Variants in KIF16B observed in about 807,000 individuals in gnomAD.
KIF16B encodes kinesin-like protein KIF16B.
In KIF16B, 98 loss-of-function variants were observed where a neutral mutation model predicts 156.3. That is an observed-to-expected ratio of 0.63 (90% CI 0.53 to 0.74). The LOEUF is 0.74. KIF16B is among the 30% of genes least tolerant of loss of function. KIF16B has a pLI of 0.00. For missense variants in KIF16B, 1,421 were observed against 1,606.5 expected (o/e 0.88, Z 1.97); for synonymous variants, 564 against 583.7 (o/e 0.97, Z 0.49).
At chr20:16,356,521 C>A (rs1050707588) in intron 22 of KIF16B, 69 bp from the exon 23 acceptor site, 1 of 1,564,512 alleles carries the variant, frequency 6.4e-7, no homozygotes, top group South Asian at 1.1e-5. Context: ...ATATCCTGCT[C>A]GGGTAGGAGG....
chr20:16,442,708 T>C (rs1233685283), intron 12 of KIF16B, among the ~76,000 whole-genome samples: 2 of 152,094 alleles, frequency 1.3e-5, no homozygotes, highest in African/African-American at 4.8e-5. Context: ...AGCGGCAAAA[T>C]GAGGTCTTCT....
chr20:16,425,284 T>C (rs1266837750), intron 15 of KIF16B, among the ~76,000 whole-genome samples: 1 of 152,026 alleles, frequency 6.6e-6, no homozygotes, highest in Non-Finnish European at 1.5e-5. Context: ...GGCCAAAATA[T>C]AGGACAATTT....
chr20:16,457,509 G>A (rs1247873387), intron 12 of KIF16B, among the ~76,000 whole-genome samples: 2 of 152,178 alleles, frequency 1.3e-5, no homozygotes, highest in Non-Finnish European at 2.9e-5. Context: ...GTGGGGACCA[G>A]GGGTGTGAGG....
intron 12 of KIF16B, among the ~76,000 whole-genome samples, chr20:16,462,036 G>A (rs1339311227): frequency 6.6e-6 from 1 of 152,144 alleles, no homozygotes; most frequent in Non-Finnish European, 1.5e-5. Flanking sequence ...ATCACATGAG[G>A]TCAGGAGTTC....
intron 12 of KIF16B, among the ~76,000 whole-genome samples, chr20:16,438,295 A>G (rs995426910): frequency 6.6e-6 from 1 of 152,148 alleles, no homozygotes; most frequent in African/African-American, 2.4e-5. Flanking sequence ...GGTTTCAGTT[A>G]CCCAATGTCA....
Position 16,573,266 on chromosome 20 carries a change from C to A in KIF16B, c.10G>T (p.Val4Phe). MAS[V>F]KVAVRVRPMN... ...GGCCGGACCCTCACGGCCACCTTGA[C>A]CGATGCCATCGCTCATCCCGAACCA... The change falls in exon 1 of 26, where the codon GTC becomes TTC. Residue 4 changes from valine (V) to phenylalanine (F), a missense_variant. Physicochemically the swap from Val to Phe is conservative, Grantham distance 50. Coordinates refer to ENST00000354981, the MANE Select transcript of KIF16B (RefSeq NM_024704.5). 6.2e-7 allele frequency: 1 copy of A among 1,609,262 alleles called. No homozygotes were observed.
intron 12 of KIF16B, among the ~76,000 whole-genome samples, chr20:16,475,993 C>A (rs2067798468): frequency 6.6e-6 from 1 of 152,202 alleles, no homozygotes. Flanking sequence ...AAATTCTGCA[C>A]AATTTATCTC....
At chr20:16,501,441 G>A (rs1326341807) in intron 10 of KIF16B, among the ~76,000 whole-genome samples, 1 of 151,590 alleles carries the variant, frequency 6.6e-6, no homozygotes, top group African/African-American at 2.4e-5. Flanking sequence ...AAAATTGCTT[G>A]GCAATATCTA....
chr20:16,300,722 T>C (rs1356757713), intron 25 of KIF16B, among the ~76,000 whole-genome samples: 1 of 152,192 alleles, frequency 6.6e-6, no homozygotes, highest in Non-Finnish European at 1.5e-5. Flanking sequence ...CTGAGTGTAG[T>C]ATACAAATTT....
At chr20:16,506,414 T>C (rs1170599487) in intron 7 of KIF16B, among the ~76,000 whole-genome samples, 1 of 152,212 alleles carries the variant, frequency 6.6e-6, no homozygotes, top group Non-Finnish European at 1.5e-5. Flanking sequence ...TAAAGAAGCA[T>C]TTCATTCTCA....
At chr20:16,539,659 T>C (rs1391323024) in intron 1 of KIF16B, among the ~76,000 whole-genome samples, 6 of 152,232 alleles carry the variant, frequency 3.9e-5, no homozygotes, top group African/African-American at 1.4e-4. Flanking sequence ...GATGCTGCTA[T>C]GCTTCCTGTA....
chr20:16,348,305 A>G lies in KIF16B; in HGVS notation c.3621+8025T>C, dbSNP rs367929734. ...ATTAAAATGAGTAAGTAAGGGAACA[A>G]GTATGGCTCAGTGCACTTAGACCTG... On this transcript the variant is annotated intron_variant, in intron 23 of 25. Coordinates refer to ENST00000354981, the MANE Select transcript of KIF16B (RefSeq NM_024704.5). 2.6e-5 allele frequency among the ~76,000 whole-genome samples: 4 copies of G among 152,258 alleles called. No individual in the cohort carries two copies. The East Asian group carries it at 7.7e-4, about 29-fold the overall frequency.
intron 12 of KIF16B, among the ~76,000 whole-genome samples, chr20:16,493,599 G>A (rs2068363551): frequency 6.6e-6 from 1 of 152,272 alleles, no homozygotes; most frequent in Middle Eastern, 3.4e-3. Context: ...CACAAAGTCA[G>A]CCAGATACCA....
chr20:16,370,656 C>T lies in KIF16B; in HGVS notation c.3448-20G>A. On this transcript the variant is annotated intron_variant, in intron 21 of 25. Coordinates refer to ENST00000354981, the MANE Select transcript of KIF16B (RefSeq NM_024704.5). ...ATTATCCTGAAAAGAAAAGAAAAAG[C>T]CCTCTATATTAAATTATAGCAAGTT... The T allele has an allele frequency of 1.3e-6, 2 of 1,571,044 alleles. No homozygotes were observed. Among genetic ancestry groups the T allele is most frequent in the Non-Finnish European group, 1.7e-6 (2 of 1,164,702 alleles).
intron 15 of KIF16B, among the ~76,000 whole-genome samples, chr20:16,415,975 G>T (rs6043933): frequency 6.6e-6 from 1 of 152,096 alleles, no homozygotes; most frequent in South Asian, 2.1e-4. Flanking sequence ...AGTGATATTA[G>T]GCTTTTATTC....
chr20:16,514,124 GAGTGCTTT>G (rs1261414101), intron 4 of KIF16B, among the ~76,000 whole-genome samples: 1 of 152,084 alleles, frequency 6.6e-6, no homozygotes, highest in African/African-American at 2.4e-5. Context: ...TGTAATTTGT[GAGTGCTTT>G]ATAAATGTTT....
intron 17 of KIF16B, among the ~76,000 whole-genome samples, chr20:16,404,127 T>A (rs2065723531): frequency 6.6e-6 from 1 of 152,210 alleles, no homozygotes. Context: ...GTTGTTCTTG[T>A]TACTTCACTT....
intron 11 of KIF16B, among the ~76,000 whole-genome samples, chr20:16,496,163 A>G (rs2068446428): frequency 6.6e-6 from 1 of 152,200 alleles, no homozygotes. Flanking sequence ...GAGAAGGAAT[A>G]TTCTTATGCC....
At chr20:16,425,121 A>G (rs2066320312) in intron 15 of KIF16B, among the ~76,000 whole-genome samples, 1 of 152,156 alleles carries the variant, frequency 6.6e-6, no homozygotes, top group Non-Finnish European at 1.5e-5. Flanking sequence ...GCTAAATACC[A>G]TTCTGTACTA....
Sources: gnomAD v4.1 joint callset for allele counts (sites outside exome capture counted in the v4.1 genomes callset) on GRCh38, gnomAD v4.1.1 for gene constraint, MANE v1.5 for transcripts, NCBI Gene and HGNC (gene_info 2026-07-23, HGNC 2026-07-21) for gene names.